AMN: variants seen among roughly 807,000 people sequenced by gnomAD.
The protein encoded by AMN is protein amnionless.
AMN carries 40 observed loss-of-function variants against 49.1 expected under a neutral mutation model. The observed-to-expected ratio is 0.81, with a 90% confidence interval of 0.63 to 1.06. The LOEUF (loss-of-function observed/expected upper bound fraction) is 1.06. AMN is among the 50% of genes least tolerant of loss of function. The pLI, the probability that AMN is intolerant of heterozygous loss-of-function variation, is 0.00. For missense variants in AMN, 701 were observed against 662.8 expected, an observed-to-expected ratio of 1.06 and a Z score of -0.63; for synonymous variants, 380 against 313.3, an observed-to-expected ratio of 1.21 and a Z score of -2.25.
rs386834163 is a variant in AMN, at chr14:102,930,171, CCCTCGGCG to C, written c.1014_1021del (p.Leu339ProfsTer?). The C allele has an allele frequency of 6.7e-7, 1 of 1,487,634 alleles. No homozygotes were observed. Among genetic ancestry groups the C allele is most frequent in the Admixed American group, 2.2e-5 (1 of 44,830 alleles). The allele number at this position is 1,487,634 out of a possible 1,614,324, so 92.2% of individuals were successfully genotyped here. A position where few individuals can be genotyped will look rare whatever the true frequency, so the allele number is the denominator to read the frequency against. On this transcript the variant is annotated frameshift_variant, in exon 10 of 12. Coordinates refer to ENST00000299155, the MANE Select transcript of AMN (RefSeq NM_030943.4). LOFTEE classifies it high-confidence loss of function. Reference sequence around the variant, plus strand: ...GCCGGCCCCTCCGTCGCAGGCGAGGCCCTCGGCGTCCTGGAGGCGACCATGCGGGAGTC... The same window carrying C: ...GCCGGCCCCTCCGTCGCAGGCGAGGCTCCTGGAGGCGACCATGCGGGAGTC...
At chr14:102,925,170 G>A (rs556865556) in intron 3 of AMN, among the ~76,000 whole-genome samples, 3 of 152,352 alleles carry the variant, frequency 2.0e-5, no homozygotes, top group South Asian at 4.1e-4. Flanking sequence ...ACACCTGCCA[G>A]CTCAGTCACT....
chr14:102,923,017 T>C lies in AMN; in HGVS notation c.43+286T>C, dbSNP rs533063234. 0.012 allele frequency: 5,338 copies of C among 449,526 alleles called. 49 individuals carry two copies. Among genetic ancestry groups the C allele is most frequent in the Non-Finnish European group, 0.016 (3,946 of 249,434 alleles). The allele number at this position is 449,526 out of a possible 1,614,324, so 27.8% of individuals were successfully genotyped here. ...CTCCTGCCCTCGCGGTTTTTCCGTC[T>C]GCGAAATGGGCGCGGTCCCCAGAAC... On this transcript the variant is annotated intron_variant, in intron 1 of 11. Transcript: ENST00000299155.
At chr14:102,922,813 G>A in intron 1 of AMN, 82 bp downstream of exon 1, 2 of 1,510,082 alleles carry the variant, frequency 1.3e-6, no homozygotes, top group East Asian at 2.4e-5. Flanking sequence ...AGGCCTGGAG[G>A]GTGAAGATCT....
chr14:102,929,585 G>T, intron 7 of AMN, 49 bp downstream of exon 7: 1 of 1,545,908 alleles, frequency 6.5e-7, no homozygotes, highest in Non-Finnish European at 8.7e-7. Flanking sequence ...TGGAGGACCA[G>T]GTTCGTCCCC....
At chr14:102,926,068 C>T (rs1317686068) in intron 3 of AMN, among the ~76,000 whole-genome samples, 1 of 152,242 alleles carries the variant, frequency 6.6e-6, no homozygotes, top group Non-Finnish European at 1.5e-5. Context: ...TCACCCATCC[C>T]CCTGCCTTGG....
chr14:102,923,431 A>T, intron 1 of AMN: 1 of 468,278 alleles, frequency 2.1e-6, no homozygotes, highest in Non-Finnish European at 3.9e-6. Flanking sequence ...CGCCAGGCAA[A>T]CTGGGGGCAG....
intron 5 of AMN, 35 bp downstream of exon 5, chr14:102,929,010 C>T (rs748355794): frequency 3.8e-6 from 6 of 1,595,046 alleles, no homozygotes; most frequent in Non-Finnish European, 5.1e-6. Context: ...CGGGTCCCCT[C>T]TCCCCACCTC....
rs1277026572 is a variant in AMN at position 102,929,646 on chromosome 14, C to A, written c.761-9C>A. ...ATCCACGGCGCTGACCCCTGCCCTCCCGCCGCAGGAGCCGTTGTGTTGCTG... is the reference window on the plus strand; with the variant it reads ...ATCCACGGCGCTGACCCCTGCCCTCACGCCGCAGGAGCCGTTGTGTTGCTG... On this transcript the variant is annotated splice_polypyrimidine_tract_variant and intron_variant, in intron 7 of 11. Coordinates refer to ENST00000299155, the MANE Select transcript of AMN (RefSeq NM_030943.4). The A allele has an allele frequency of 2.6e-6, 4 of 1,548,954 alleles. No homozygotes were observed. In the South Asian group the frequency reaches 3.6e-5, roughly 14 times the overall value.
At chr14:102,925,594 G>C (rs1212469511) in intron 3 of AMN, among the ~76,000 whole-genome samples, 1 of 152,174 alleles carries the variant, frequency 6.6e-6, no homozygotes, top group African/African-American at 2.4e-5. Flanking sequence ...GAGGAGTCAG[G>C]CTGGGCTGGG....
At chr14:102,926,158 C>G (rs1199857666) in intron 3 of AMN, among the ~76,000 whole-genome samples, 1 of 152,194 alleles carries the variant, frequency 6.6e-6, no homozygotes, top group Non-Finnish European at 1.5e-5. Context: ...TTTAATCGAC[C>G]TAATGCAAAA....
chr14:102,924,136 G>T lies in AMN; in HGVS notation c.207+157G>T, dbSNP rs74082982. 0.011 allele frequency among the ~76,000 whole-genome samples: 1,629 copies of T among 152,170 alleles called. 35 individuals carry two copies. Among genetic ancestry groups the T allele is most frequent in the African/African-American group, 0.038 (1,557 of 41,516 alleles). ...GAGAATATTCTAGGAGGCAGGGAGT[G>T]GGGGGGAACCTAGGGGAGCTTGGTC... is the stretch of plus-strand genomic sequence containing the variant. On this transcript the variant is annotated intron_variant, in intron 3 of 11. Transcript: ENST00000299155.
At chr14:102,928,669 G>A in intron 4 of AMN, 89 bp from the exon 5 acceptor site, 2 of 1,519,660 alleles carry the variant, frequency 1.3e-6, no homozygotes, top group East Asian at 2.4e-5. Flanking sequence ...GGGCTTGGGA[G>A]GTCGTGCTCA....
At chr14:102,927,697 CCTCAGCCCCT>C (rs1891218271) in intron 3 of AMN, among the ~76,000 whole-genome samples, 1 of 152,186 alleles carries the variant, frequency 6.6e-6, no homozygotes, top group Non-Finnish European at 1.5e-5. Context: ...CAGCGCTCAC[CCTCAGCCCCT>C]GAGGGAGAAG....
In AMN at chr14:102,930,078, C is replaced by G. The variant is rs1158062266; in HGVS notation, c.998C>G (p.Ala333Gly). The G allele has an allele frequency of 1.9e-6, 3 of 1,540,760 alleles. No individual in the cohort carries two copies. In the African/African-American group the frequency reaches 4.1e-5, roughly 21 times the overall value. The part of the protein sequence containing the change: ...RLARALLADV[A>G]ENGEALGVLE... The stretch of plus-strand genomic sequence containing the variant: ...GCCCGGGCCCTCCTGGCGGACGTCG[C>G]CGAGAACGGTAACCGCGCCCGCCCC... Residue 333 changes from alanine (A) to glycine (G), a missense_variant, in exon 9 of 12, where the codon GCC (alanine) becomes GGC (glycine). Coordinates refer to ENST00000299155, the MANE Select transcript of AMN (RefSeq NM_030943.4).
Position 102,929,684 on chromosome 14 carries a change from G to A in AMN, c.790G>A (p.Ala264Thr), listed in dbSNP as rs1450455717. The change falls in exon 8 of 12, where the codon GCA becomes ACA. Residue 264 changes from alanine (A) to threonine (T), a missense_variant. By Grantham distance (58) the Ala-to-Thr change is moderately conservative. Transcript: ENST00000299155. ...CGTTGTGTTGCTGACCCACGGCCCC[G>A]CATTTGACCTGGAGCGGTACCGGGC... is the stretch of plus-strand genomic sequence containing the variant. ...GAVVLLTHGPAFDLERYRARI... is the reference protein window; with the variant it reads ...GAVVLLTHGPTFDLERYRARI... The A allele has an allele frequency of 6.4e-7, 1 of 1,550,626 alleles. No homozygotes were observed. Among genetic ancestry groups the A allele is most frequent in the Non-Finnish European group, 8.7e-7 (1 of 1,147,484 alleles).
chr14:102,924,190 G>C (rs1055448287), intron 3 of AMN, among the ~76,000 whole-genome samples: 3 of 152,162 alleles, frequency 2.0e-5, no homozygotes, highest in Non-Finnish European at 4.4e-5. Flanking sequence ...TGTGTCCTGG[G>C]AGGGATGGGA....
chr14:102,929,926 T>TCA lies in AMN; in HGVS notation c.847_848dup (p.Gln283HisfsTer132), dbSNP rs2139311742. 6.4e-7 allele frequency: 1 copy of TCA among 1,557,190 alleles called. No individual in the cohort carries two copies. The highest frequency in any genetic ancestry group is 1.2e-5 in the South Asian group (1 of 84,416). On this transcript the variant is annotated frameshift_variant, in exon 9 of 12. Coordinates refer to ENST00000299155, the MANE Select transcript of AMN (RefSeq NM_030943.4). LOFTEE classifies it high-confidence loss of function. ...ACCAACCCCGTCCCCCTCCCCAGCCTCAGTACCACGGGCTGCAGGTGGCCG... is the reference window on the plus strand; with the variant it reads ...ACCAACCCCGTCCCCCTCCCCAGCCTCACAGTACCACGGGCTGCAGGTGGCCG...
rs1176608776 is a variant in AMN, at chr14:102,929,906, C to T, written c.844-18C>T. 3.2e-6 allele frequency: 5 copies of T among 1,551,826 alleles called. No homozygotes were observed. In the African/African-American group the frequency reaches 5.5e-5, roughly 17 times the overall value. ...AGGGCGGGGGGCTGAGTCAAACCAA[C>T]CCCGTCCCCCTCCCCAGCCTCAGTA... is the stretch of plus-strand genomic sequence containing the variant. On this transcript the variant is annotated intron_variant, in intron 8 of 11. Transcript: ENST00000299155.
chr14:102,928,642 G>A (rs1296817736), intron 4 of AMN, 116 bp from the exon 5 acceptor site: 3 of 1,494,620 alleles, frequency 2.0e-6, no homozygotes, highest in Non-Finnish European at 2.7e-6. Context: ...AGGGAGTGGC[G>A]GAAGTGTCCC....
Sources: allele counts gnomAD v4.1 joint callset (sites outside exome capture counted in the v4.1 genomes callset), GRCh38; gene constraint gnomAD v4.1.1; transcripts MANE v1.5; gene names NCBI Gene and HGNC (gene_info 2026-07-23, HGNC 2026-07-21).